Variants in CNNM2 observed in about 807,000 individuals in gnomAD.
CNNM2 encodes the protein cyclin and CBS domain divalent metal cation transport mediator 2.
CNNM2 carries 12 observed loss-of-function variants against 66.9 expected under a neutral mutation model. The ratio of observed to expected loss-of-function variants is 0.18; its 90% confidence interval spans 0.11 to 0.29. The LOEUF is 0.29. Among genes scored for constraint, CNNM2 ranks in the 10% least tolerant of loss-of-function variants. The pLI is 1.00. For missense variants in CNNM2, 705 were observed against 1,167.7 expected, an observed-to-expected ratio of 0.60 and a Z score of 5.77; for synonymous variants, 557 against 501.8, an observed-to-expected ratio of 1.11 and a Z score of -1.47.
chr10:102,986,067 C>T (rs550047418), intron 1 of CNNM2, among the ~76,000 whole-genome samples: 19 of 152,240 alleles, frequency 1.2e-4, no homozygotes, highest in African/African-American at 4.3e-4. Context: ...GGACTAGCTC[C>T]GATGTTCACT....
intron 1 of CNNM2, among the ~76,000 whole-genome samples, chr10:102,964,608 C>A (rs550190648): frequency 5.9e-5 from 9 of 152,216 alleles, no homozygotes; most frequent in Admixed American, 5.2e-4. Context: ...GAGCTAGTTA[C>A]CTGGACCACC....
Position 103,077,081 on chromosome 10 carries a change from T to G in CNNM2, c.2529T>G (p.His843Gln), listed in dbSNP as rs926981784. 1.2e-6 allele frequency: 2 copies of G among 1,613,886 alleles called. No individual in the cohort carries two copies. Among genetic ancestry groups the G allele is most frequent in the African/African-American group, 2.7e-5 (2 of 74,926 alleles). ...TKIELTLTELHDGLPDETANL... is the reference protein window; with the variant it reads ...TKIELTLTELQDGLPDETANL... The stretch of plus-strand genomic sequence containing the variant: ...TCGAATTGACTCTTACGGAGCTGCA[T>G]GACGGGTTGCCAGACGAGACAGCCA... The change falls in exon 8 of 8, where the codon CAT (histidine) becomes CAG (glutamine). Residue 843 changes from histidine (H) to glutamine (Q), a missense_variant. By Grantham distance (24) the His-to-Gln change is conservative. Transcript: ENST00000369878.
chr10:102,918,897 G>T lies in CNNM2; in HGVS notation c.417G>T (p.Ala139=), dbSNP rs749812341. The change falls in exon 1 of 8, where the codon GCG becomes GCT. Residue 139 remains alanine (A), a synonymous_variant. Transcript: ENST00000369878. This position sits in a 1 kb window ranked among gnomAD's most constrained non-coding sequence, Gnocchi z 4.1. The stretch of plus-strand genomic sequence containing the variant: ...GGGAGCGCGGGCTGGGGGGCCCCGC[G>T]CCGCCAGAGCCGGACAGCGGCCCCC... ...SPGERGLGGP[A]PPEPDSGPQR... 2 of 1,609,992 alleles carry T rather than the reference G, an allele frequency of 1.2e-6. No individual in the cohort carries two copies. The highest frequency in any genetic ancestry group is 1.7e-6 in the Non-Finnish European group (2 of 1,178,292).
At chr10:103,046,532 TG>T (rs1401148033) in intron 1 of CNNM2, among the ~76,000 whole-genome samples, 13 of 152,228 alleles carry the variant, frequency 8.5e-5, no homozygotes, top group African/African-American at 3.1e-4. Flanking sequence ...TTTATTTATG[TG>T]GGTTCTATCT....
intron 1 of CNNM2, among the ~76,000 whole-genome samples, chr10:102,980,187 C>A (rs994061287): frequency 2.0e-5 from 3 of 152,180 alleles, no homozygotes; most frequent in Admixed American, 2.0e-4. Context: ...AAGTGATCTG[C>A]CCACCTCGGC....
Position 103,062,921 on chromosome 10 carries a change from A to T in CNNM2, c.2074-5708A>T, listed in dbSNP as rs534933426. 4.6e-5 allele frequency among the ~76,000 whole-genome samples: 7 copies of T among 152,330 alleles called. No homozygotes were observed. In the South Asian group the frequency reaches 1.4e-3, roughly 32 times the overall value. Reference sequence around the variant, plus strand: ...ACCTGTGGGTCTTGTTGAACGGCAGATCCTTCAGTATGAAACGAATGCTTC... The same window carrying T: ...ACCTGTGGGTCTTGTTGAACGGCAGTTCCTTCAGTATGAAACGAATGCTTC... On this transcript the variant is annotated intron_variant, in intron 4 of 7. Coordinates refer to ENST00000369878, the MANE Select transcript of CNNM2 (RefSeq NM_017649.5).
At chr10:103,070,893 G>A (rs1010682422) in intron 5 of CNNM2, among the ~76,000 whole-genome samples, 19 of 152,088 alleles carry the variant, frequency 1.2e-4, no homozygotes, top group African/African-American at 3.1e-4. Flanking sequence ...GCACGCCACT[G>A]TACTCCAGCC....
At position 103,044,440 on chromosome 10, in the gene CNNM2, T is replaced by C. The variant is rs896017800; in HGVS notation, c.1622-5267T>C. 6.6e-5 allele frequency among the ~76,000 whole-genome samples: 10 copies of C among 151,954 alleles called. No individual in the cohort carries two copies. The East Asian group carries it at 1.9e-3, about 29-fold the overall frequency. On this transcript the variant is annotated intron_variant, in intron 1 of 7. Coordinates refer to ENST00000369878, the MANE Select transcript of CNNM2 (RefSeq NM_017649.5). ...GCATGGTGGTGCACGCCTATAGTCC[T>C]AGCTGCTCAGGAGGCTGAGGTGGGA...
In CNNM2 at chr10:103,079,448, G is replaced by A. The variant is rs966453705; in HGVS notation, c.*2268G>A. The A allele has an allele frequency of 2.0e-5, 3 of 152,216 alleles. No individual in the cohort carries two copies. The highest frequency in any genetic ancestry group is 2.9e-5 in the Non-Finnish European group (2 of 68,076). The allele number at this position is 152,216 out of a possible 1,614,324, so 9.4% of individuals were successfully genotyped here. A position where few individuals can be genotyped will look rare whatever the true frequency, so the allele number is the denominator to read the frequency against. ...GTCTCTCGGGGATGCCTTGCTACTG[G>A]GAGAGCCTCTGGAATCAGAGCTAGT... On this transcript the variant is annotated 3_prime_UTR_variant, in exon 8 of 8. Coordinates refer to ENST00000369878, the MANE Select transcript of CNNM2 (RefSeq NM_017649.5).
intron 1 of CNNM2, among the ~76,000 whole-genome samples, chr10:102,942,417 A>G (rs1358164089): frequency 6.6e-6 from 1 of 152,254 alleles, no homozygotes; most frequent in East Asian, 1.9e-4. Context: ...ATTATATGGT[A>G]TTTATCTTTT....
intron 1 of CNNM2, among the ~76,000 whole-genome samples, chr10:103,048,865 C>CT (rs1459619201): frequency 4.6e-5 from 7 of 151,896 alleles, no homozygotes; most frequent in Admixed American, 2.6e-4. Context: ...TCAGCAAGGA[C>CT]TTTTTTTTAA....
At chr10:103,071,556 G>A (rs1286273657) in intron 5 of CNNM2, among the ~76,000 whole-genome samples, 1 of 152,212 alleles carries the variant, frequency 6.6e-6, no homozygotes, top group Non-Finnish European at 1.5e-5. Flanking sequence ...TAACAAACTC[G>A]TGGGTAGGAT....
At chr10:102,988,530 A>G (rs1204471805) in intron 1 of CNNM2, among the ~76,000 whole-genome samples, 1 of 152,126 alleles carries the variant, frequency 6.6e-6, no homozygotes, top group Non-Finnish European at 1.5e-5. Context: ...TCTTATACAA[A>G]GTATAGACCT....
intron 1 of CNNM2, among the ~76,000 whole-genome samples, chr10:102,989,311 C>T (rs1304925347): frequency 6.6e-6 from 1 of 152,136 alleles, no homozygotes; most frequent in African/African-American, 2.4e-5. Context: ...TTAAATTACT[C>T]ATTGTTCAGT....
intron 1 of CNNM2, among the ~76,000 whole-genome samples, chr10:103,046,088 C>A (rs1460166134): frequency 6.6e-6 from 1 of 152,256 alleles, no homozygotes; most frequent in East Asian, 1.9e-4. Context: ...GATCACCCAG[C>A]CGATTCCAGG....
intron 1 of CNNM2, among the ~76,000 whole-genome samples, chr10:102,926,904 A>G (rs938400933): frequency 6.6e-6 from 1 of 151,836 alleles, no homozygotes; most frequent in Non-Finnish European, 1.5e-5. Context: ...TTTTTAGTAG[A>G]AACGAGGTCA....
intron 4 of CNNM2, among the ~76,000 whole-genome samples, chr10:103,061,321 A>G (rs2065382497): frequency 6.6e-6 from 1 of 152,186 alleles, no homozygotes; most frequent in South Asian, 2.1e-4. Context: ...TGAACCCAGA[A>G]GGCGGAGGTT....
chr10:103,062,825 C>T (rs2065411430), intron 4 of CNNM2, among the ~76,000 whole-genome samples: 1 of 152,214 alleles, frequency 6.6e-6, no homozygotes, highest in South Asian at 2.1e-4. Context: ...TGAATTACTT[C>T]CCTGTTAAAT....
chr10:102,925,296 C>CAAAAAAAAA lies in CNNM2; in HGVS notation c.1621+5217_1621+5225dup, dbSNP rs10624810. On this transcript the variant is annotated intron_variant, in intron 1 of 7. Coordinates refer to ENST00000369878, the MANE Select transcript of CNNM2 (RefSeq NM_017649.5). ...GGGCAACAAGAGCGAAACTCCATCT[C>CAAAAAAAAA]AAAAAAAAAAAAAAAAAAAAAAAAA... is the stretch of plus-strand genomic sequence containing the variant. 4.8e-3 allele frequency among the ~76,000 whole-genome samples: 85 copies of CAAAAAAAAA among 17,762 alleles called. 11 individuals are homozygous for CAAAAAAAAA. The highest frequency in any genetic ancestry group is 0.034 in the East Asian group (19 of 552). 11.7% of individuals were successfully genotyped at this position (17,762 alleles called of 152,430 possible). A position where few individuals can be genotyped will look rare whatever the true frequency, so the allele number is the denominator to read the frequency against.
Sources: allele counts gnomAD v4.1 joint callset (sites outside exome capture counted in the v4.1 genomes callset), GRCh38; gene constraint gnomAD v4.1.1; non-coding constraint Gnocchi (gnomAD v3.1); transcripts MANE v1.5; gene names NCBI Gene and HGNC (gene_info 2026-07-23, HGNC 2026-07-21).